Variants in HHAT observed in about 807,000 individuals in gnomAD.
The protein encoded by HHAT is protein-cysteine N-palmitoyltransferase HHAT.
A neutral mutation model predicts 70.8 loss-of-function variants in HHAT; 47 were observed. The ratio of observed to expected loss-of-function variants is 0.66; its 90% CI spans 0.53 to 0.85. The LOEUF (loss-of-function observed/expected upper bound fraction) is 0.85. HHAT is among the 40% of genes least tolerant of loss of function. HHAT has a pLI of 0.00. For synonymous variants in HHAT, 228 were observed against 247.6 expected (o/e 0.92, Z 0.74); for missense variants, 609 against 604.8 (o/e 1.01, Z -0.07).
chr1:210,503,714 C>T (rs1263148233), intron 8 of HHAT, among the ~76,000 whole-genome samples: 1 of 152,204 alleles, frequency 6.6e-6, no homozygotes, highest in Non-Finnish European at 1.5e-5. Flanking sequence ...CCTCTCTTCA[C>T]TTGGCTCTAG....
chr1:210,537,929 T>C (rs2095390709), intron 9 of HHAT, among the ~76,000 whole-genome samples: 1 of 152,232 alleles, frequency 6.6e-6, no homozygotes, highest in Non-Finnish European at 1.5e-5. Context: ...AATTTTATGA[T>C]TCTGGGTTTT....
At chr1:210,506,536 G>A (rs75619800) in intron 8 of HHAT, among the ~76,000 whole-genome samples, 12,391 of 152,182 alleles carry the variant, frequency 0.081, 640 homozygotes, top group Non-Finnish European at 0.11. Flanking sequence ...TACAGGATCC[G>A]TGTTCCTTAT....
Position 210,356,060 on chromosome 1 carries a change from G to C in HHAT, c.92-6792G>C, listed in dbSNP as rs562529584. On this transcript the variant is annotated intron_variant, in intron 2 of 11. Transcript: ENST00000261458. ...GCCTCCTAAGTAGCTAGGACTACAG[G>C]CACACAGTACCACACTTGCACACTT... is the stretch of plus-strand genomic sequence containing the variant. Among the ~76,000 whole-genome samples, 11 of 151,754 alleles carry C rather than the reference G, an allele frequency of 7.2e-5. No individual in the cohort carries two copies. In the East Asian group the frequency reaches 2.1e-3, roughly 29 times the overall value.
Position 210,623,424 on chromosome 1 carries a change from TGGGGA to T in HHAT, c.1246-99_1246-95del, listed in dbSNP as rs1175077546. On this transcript the variant is annotated intron_variant, in intron 10 of 11. Transcript: ENST00000261458. ...AAATAATGACCTGGTTTGGGCTCTGTGGGGAGGCGTCCTGGGCTGGTGACAGAGAA... is the reference window on the plus strand; with the variant it reads ...AAATAATGACCTGGTTTGGGCTCTGTGGCGTCCTGGGCTGGTGACAGAGAA... 4 of 1,323,050 alleles carry T rather than the reference TGGGGA, an allele frequency of 3.0e-6. No individual in the cohort carries two copies. The African/African-American group carries it at 4.4e-5, about 14-fold the overall frequency. 82.0% of individuals were successfully genotyped at this position (1,323,050 alleles called of 1,614,324 possible).
chr1:210,436,353 A>T (rs1460527168), intron 7 of HHAT, among the ~76,000 whole-genome samples: 2 of 150,628 alleles, frequency 1.3e-5, no homozygotes, highest in African/African-American at 4.9e-5. Flanking sequence ...ACCATGATTG[A>T]TTTGGTTTCT....
chr1:210,355,004 C>T (rs1287906216), intron 2 of HHAT, among the ~76,000 whole-genome samples: 4 of 152,028 alleles, frequency 2.6e-5, no homozygotes, highest in Non-Finnish European at 5.9e-5. Context: ...CATCACTTCC[C>T]TTAATGAAGG....
chr1:210,566,184 G>T (rs1269246971), intron 9 of HHAT, among the ~76,000 whole-genome samples: 1 of 152,210 alleles, frequency 6.6e-6, no homozygotes, highest in Non-Finnish European at 1.5e-5. Flanking sequence ...ACGAAATAGG[G>T]TGGAAAGCCC....
intron 9 of HHAT, among the ~76,000 whole-genome samples, chr1:210,561,983 T>A (rs571032799): frequency 5.3e-5 from 8 of 152,164 alleles, no homozygotes; most frequent in African/African-American, 1.9e-4. Context: ...ATAGTAGATG[T>A]TGAGTTAAAT....
At chr1:210,384,202 T>C (rs2090870798) in intron 3 of HHAT, among the ~76,000 whole-genome samples, 1 of 152,204 alleles carries the variant, frequency 6.6e-6, no homozygotes, top group African/African-American at 2.4e-5. Flanking sequence ...GGTAGCAGAA[T>C]GTAAGCCTCA....
intron 10 of HHAT, among the ~76,000 whole-genome samples, chr1:210,619,199 CT>C (rs1668352413): frequency 6.6e-6 from 1 of 152,278 alleles, no homozygotes; most frequent in East Asian, 1.9e-4. Flanking sequence ...GACCCACCCC[CT>C]GTCATGTACC....
At chr1:210,436,387 G>A (rs1431516869) in intron 7 of HHAT, among the ~76,000 whole-genome samples, 1 of 151,546 alleles carries the variant, frequency 6.6e-6, no homozygotes, top group Non-Finnish European at 1.5e-5. Context: ...ATATTTTGAA[G>A]TCAGATAGTG....
chr1:210,464,673 C>T lies in HHAT; in HGVS notation c.1007+18C>T, dbSNP rs1326291030. Reference sequence around the variant, plus strand: ...ATGTGGAGGTCAGGCGCTGGGATTGCTAAAGTTGGTCAGGCATGTCCAGTG... The same window carrying T: ...ATGTGGAGGTCAGGCGCTGGGATTGTTAAAGTTGGTCAGGCATGTCCAGTG... On this transcript the variant is annotated intron_variant, in intron 8 of 11. Coordinates refer to ENST00000261458, the MANE Select transcript of HHAT (RefSeq NM_018194.6). The T allele has an allele frequency of 3.1e-6, 5 of 1,613,818 alleles. No individual in the cohort carries two copies. Among genetic ancestry groups the T allele is most frequent in the Non-Finnish European group, 3.4e-6 (4 of 1,179,920 alleles).
intron 7 of HHAT, among the ~76,000 whole-genome samples, chr1:210,439,302 C>T (rs534679176): frequency 6.6e-6 from 1 of 151,874 alleles, no homozygotes; most frequent in East Asian, 1.9e-4. Context: ...ATGATAAATC[C>T]ACTCAGACAT....
intron 4 of HHAT, among the ~76,000 whole-genome samples, chr1:210,389,087 T>G (rs1222633526): frequency 6.6e-6 from 1 of 152,162 alleles, no homozygotes; most frequent in East Asian, 1.9e-4. Context: ...AGAGAATACA[T>G]AAAACTGAGT....
intron 10 of HHAT, among the ~76,000 whole-genome samples, chr1:210,622,151 C>A (rs1300344827): frequency 6.6e-6 from 1 of 152,160 alleles, no homozygotes; most frequent in Non-Finnish European, 1.5e-5. Flanking sequence ...GTCCTTTTTG[C>A]CTGTCATGAA....
At chr1:210,330,676 T>C (rs610184) in intron 1 of HHAT, among the ~76,000 whole-genome samples, 96,328 of 152,110 alleles carry the variant, frequency 0.63, 33,020 homozygotes, top group African/African-American at 0.91. Context: ...GCTTCCAGCT[T>C]AGGACCTGGC....
intron 7 of HHAT, among the ~76,000 whole-genome samples, chr1:210,418,707 A>C (rs991224732): frequency 2.6e-5 from 4 of 152,154 alleles, no homozygotes; most frequent in African/African-American, 9.7e-5. Context: ...GAGTTGTTCC[A>C]CAGTCTTCCT....
intron 2 of HHAT, among the ~76,000 whole-genome samples, chr1:210,354,358 C>T (rs2087388473): frequency 6.6e-6 from 1 of 151,766 alleles, no homozygotes; most frequent in Non-Finnish European, 1.5e-5. Context: ...GTGTGTACCA[C>T]CACACCCTGC....
intron 3 of HHAT, among the ~76,000 whole-genome samples, chr1:210,378,368 G>A (rs931764066): frequency 3.3e-5 from 5 of 152,080 alleles, no homozygotes; most frequent in African/African-American, 4.8e-5. Context: ...TAGGAAATAG[G>A]TACAGAAACA....
Sources: allele counts gnomAD v4.1 joint callset (sites outside exome capture counted in the v4.1 genomes callset), GRCh38; gene constraint gnomAD v4.1.1; transcripts MANE v1.5; gene names NCBI Gene and HGNC (gene_info 2026-07-23, HGNC 2026-07-21).